HMCN1: variants seen among roughly 807,000 people sequenced by gnomAD.
HMCN1 encodes the protein hemicentin-1.
Under a neutral mutation model 625.9 loss-of-function variants are expected in HMCN1, and 321 were observed. The observed-to-expected ratio is 0.51, with a 90% CI of 0.47 to 0.56. The LOEUF (loss-of-function observed/expected upper bound fraction) is 0.56, where lower values mean the gene tolerates loss of function less well. HMCN1 is among the 20% of genes least tolerant of loss of function. HMCN1 has a pLI of 0.00. For missense variants in HMCN1, 6,588 were observed against 6,887.3 expected (o/e 0.96, Z 1.54); for synonymous variants, 2,425 against 2,417.6 (o/e 1.00, Z -0.09).
intron 11 of HMCN1, among the ~76,000 whole-genome samples, chr1:185,953,957 GAGTGGGGGTCGCAAGGTGCTC>G (rs1420626611): frequency 1.3e-5 from 2 of 151,002 alleles, no homozygotes; most frequent in South Asian, 2.1e-4. Context: ...TGGTGGGCAG[GAGTGGGGGTCGCAAGGTGCTC>G]AGTGGGGGTG....
intron 89 of HMCN1, among the ~76,000 whole-genome samples, chr1:186,141,562 A>G (rs573087926): frequency 2.8e-4 from 43 of 152,206 alleles, no homozygotes; most frequent in Non-Finnish European, 5.3e-4. Flanking sequence ...AATCATTGTC[A>G]TTAAAATACA....
At chr1:186,076,401 C>A (rs1413095192) in intron 53 of HMCN1, 27 bp from the exon 54 acceptor site, 1 of 1,600,580 alleles carries the variant, frequency 6.2e-7, no homozygotes, top group East Asian at 2.2e-5. Flanking sequence ...TTATATGTGA[C>A]CAACATTTAA....
At chr1:186,164,107 C>A (rs531593496) in intron 97 of HMCN1, among the ~76,000 whole-genome samples, 1 of 152,320 alleles carries the variant, frequency 6.6e-6, no homozygotes, top group South Asian at 2.1e-4. Context: ...GCAATATGCC[C>A]TAGATGTTTC....
chr1:185,892,845 C>T (rs1011423916), intron 4 of HMCN1, among the ~76,000 whole-genome samples: 4 of 152,202 alleles, frequency 2.6e-5, no homozygotes, highest in Non-Finnish European at 4.4e-5. Context: ...CCACCCAGTT[C>T]GAGCTTCCAG....
At chr1:186,186,229 G>T (rs1236972548) in intron 105 of HMCN1, among the ~76,000 whole-genome samples, 1 of 152,116 alleles carries the variant, frequency 6.6e-6, no homozygotes, top group East Asian at 1.9e-4. Flanking sequence ...ATGTTAGTAG[G>T]TGTCCCCATG....
At chr1:186,152,602 G>C in intron 95 of HMCN1, 148 bp from the exon 96 acceptor site, 1 of 890,678 alleles carries the variant, frequency 1.1e-6, no homozygotes, top group Non-Finnish European at 1.8e-6. Context: ...TAATTGGGAG[G>C]TTAAGTGCTA....
intron 69 of HMCN1, among the ~76,000 whole-genome samples, chr1:186,106,409 T>C (rs186511601): frequency 1.3e-3 from 205 of 152,336 alleles, no homozygotes; most frequent in African/African-American, 4.7e-3. Context: ...TGTTTCACCA[T>C]GTATATAAAA....
intron 11 of HMCN1, among the ~76,000 whole-genome samples, chr1:185,954,618 A>G (rs1649485797): frequency 6.6e-6 from 1 of 152,164 alleles, no homozygotes; most frequent in South Asian, 2.1e-4. Flanking sequence ...AAAACATCTA[A>G]AAATGTATGA....
intron 6 of HMCN1, among the ~76,000 whole-genome samples, chr1:185,912,644 C>T (rs1420843102): frequency 1.3e-5 from 2 of 151,900 alleles, no homozygotes; most frequent in African/African-American, 4.8e-5. Flanking sequence ...TTTCCTAGAA[C>T]AGGAAAAGGT....
chr1:185,780,917 G>A (rs1324158953), intron 1 of HMCN1, among the ~76,000 whole-genome samples: 1 of 152,194 alleles, frequency 6.6e-6, no homozygotes, highest in Admixed American at 6.5e-5. Context: ...AGTTTCAGAA[G>A]GAATGGTACC....
intron 1 of HMCN1, among the ~76,000 whole-genome samples, chr1:185,761,257 T>C (rs1655483895): frequency 6.6e-6 from 1 of 151,302 alleles, no homozygotes; most frequent in Non-Finnish European, 1.5e-5. Flanking sequence ...AGTTGGGGGG[T>C]GGTAGAGCTT....
chr1:185,743,941 A>G (rs1005755637), intron 1 of HMCN1, among the ~76,000 whole-genome samples: 1 of 151,384 alleles, frequency 6.6e-6, no homozygotes, highest in Non-Finnish European at 1.5e-5. Flanking sequence ...AGACTAAAAA[A>G]TTACATAGAA....
intron 4 of HMCN1, among the ~76,000 whole-genome samples, chr1:185,892,159 C>T (rs1400840139): frequency 6.7e-6 from 1 of 148,920 alleles, no homozygotes; most frequent in Non-Finnish European, 1.5e-5. Flanking sequence ...TTTTCAGCTC[C>T]ATCAGCTCCT....
Position 186,145,533 on chromosome 1 carries a change from A to C in HMCN1, c.14397A>C (p.Pro4799=), listed in dbSNP as rs771556781. 5 of 1,614,136 alleles carry C rather than the reference A, an allele frequency of 3.1e-6. No homozygotes were observed. The Admixed American group carries it at 8.3e-5, about 27-fold the overall frequency. ...PSNGGRACGG[P]DSQIQRCNTD... The stretch of plus-strand genomic sequence containing the variant: ...ATGGGGGAAGAGCTTGTGGGGGACC[A>C]GACTCCCAGATCCAGAGGTGCAACA... The change falls in exon 92 of 107, where the codon CCA becomes CCC. Residue 4799 remains proline, a synonymous_variant. Coordinates refer to ENST00000271588, the MANE Select transcript of HMCN1 (RefSeq NM_031935.3).
At chr1:186,002,515 CA>C (rs1254713445) in intron 28 of HMCN1, among the ~76,000 whole-genome samples, 1 of 152,018 alleles carries the variant, frequency 6.6e-6, no homozygotes, top group South Asian at 2.1e-4. Flanking sequence ...TTTTCTTCCA[CA>C]AAATCACCAT....
Position 185,989,484 on chromosome 1 carries a change from G to A in HMCN1, c.3049-4G>A. 1 of 1,613,750 alleles carries A rather than the reference G, an allele frequency of 6.2e-7. No individual in the cohort carries two copies. The highest frequency in any genetic ancestry group is 1.3e-5 in the African/African-American group (1 of 74,974). ...AACCCTTTGCTTTTCGCCGTGTTTTGCAGAAAGGAGAGCTGATTTCAACCA... is the reference window on the plus strand; with the variant it reads ...AACCCTTTGCTTTTCGCCGTGTTTTACAGAAAGGAGAGCTGATTTCAACCA... On this transcript the variant is annotated splice_polypyrimidine_tract_variant and splice_region_variant and intron_variant, in intron 20 of 106. Coordinates refer to ENST00000271588, the MANE Select transcript of HMCN1 (RefSeq NM_031935.3).
chr1:186,063,066 G>GCA lies in HMCN1; in HGVS notation c.7513+467_7513+468dup, dbSNP rs1657833264. ...TGTGTGTGTGTGTGTGTGTGTGTGT[G>GCA]CATATATATATATATATATATATAT... On this transcript the variant is annotated intron_variant, in intron 48 of 106. Transcript: ENST00000271588. Among the ~76,000 whole-genome samples, 4 of 29,944 alleles carry GCA rather than the reference G, an allele frequency of 1.3e-4. No homozygotes were observed. In the South Asian group the frequency reaches 3.9e-3, roughly 29 times the overall value. 19.6% of individuals were successfully genotyped at this position (29,944 alleles called of 152,430 possible).
chr1:186,141,252 G>A (rs556837178), intron 89 of HMCN1, among the ~76,000 whole-genome samples: 37 of 152,224 alleles, frequency 2.4e-4, no homozygotes, highest in South Asian at 1.5e-3. Flanking sequence ...AGCTTTGCTC[G>A]CTTGCCAAGC....
At chr1:186,112,109 GT>G (rs553516924) in intron 71 of HMCN1, among the ~76,000 whole-genome samples, 80 of 152,214 alleles carry the variant, frequency 5.3e-4, no homozygotes, top group African/African-American at 1.9e-3. Context: ...AGGTTTCATT[GT>G]GCTCTATTTT....
Sources: gnomAD v4.1 joint callset for allele counts (sites outside exome capture counted in the v4.1 genomes callset) on GRCh38, gnomAD v4.1.1 for gene constraint, MANE v1.5 for transcripts, NCBI Gene and HGNC (gene_info 2026-07-23, HGNC 2026-07-21) for gene names.